Variants in PCDHA6 observed in about 807,000 individuals in gnomAD.
PCDHA6 encodes the protein protocadherin alpha-6.
Under a neutral mutation model 60.3 loss-of-function variants are expected in PCDHA6, and 55 were observed. The observed-to-expected ratio is 0.91, with a 90% CI of 0.73 to 1.14. PCDHA6 has a LOEUF of 1.14. Ranked by LOEUF, PCDHA6 falls within the 50% of genes most tolerant of loss-of-function variation. The pLI is 0.00. For synonymous variants in PCDHA6, 652 were observed against 557.9 expected, an observed-to-expected ratio of 1.17 and a Z score of -2.38; for missense variants, 1,327 against 1,256.5, an observed-to-expected ratio of 1.06 and a Z score of -0.85.
chr5:140,969,403 G>C, intron 1 of PCDHA6: 1 of 1,579,282 alleles, frequency 6.3e-7, no homozygotes, highest in Non-Finnish European at 8.6e-7. Context: ...CCTGTGATTT[G>C]GCTTTATTGA....
intron 1 of PCDHA6, chr5:140,842,631 C>A: frequency 1.9e-6 from 3 of 1,595,224 alleles, no homozygotes; most frequent in Non-Finnish European, 2.6e-6. Context: ...TCGCTGTGGG[C>A]CACCGCCAGC....
intron 3 of PCDHA6, among the ~76,000 whole-genome samples, chr5:141,008,259 T>G (rs986818585): frequency 3.3e-5 from 5 of 152,202 alleles, no homozygotes; most frequent in Non-Finnish European, 7.3e-5. Context: ...TAGAGGAGAC[T>G]GAGAAGTAAT....
chr5:140,954,181 T>C (rs1342526768), intron 1 of PCDHA6, among the ~76,000 whole-genome samples: 1 of 152,234 alleles, frequency 6.6e-6, no homozygotes, highest in Non-Finnish European at 1.5e-5. Flanking sequence ...ATCCAGTCTA[T>C]CATTGATGGG....
intron 1 of PCDHA6, among the ~76,000 whole-genome samples, chr5:140,973,993 G>T (rs1554235720): frequency 6.6e-6 from 1 of 152,122 alleles, no homozygotes. Flanking sequence ...ACTTCACCTG[G>T]ATCAATGTTT....
At chr5:140,974,799 A>G (rs116037205) in intron 1 of PCDHA6, among the ~76,000 whole-genome samples, 2 of 152,294 alleles carry the variant, frequency 1.3e-5, no homozygotes, top group African/African-American at 2.4e-5. Context: ...TCATTTTGAT[A>G]TACTAGAAGA....
intron 1 of PCDHA6, chr5:140,830,909 C>T (rs1213244492): frequency 6.6e-6 from 1 of 152,304 alleles, no homozygotes; most frequent in African/African-American, 2.4e-5. Flanking sequence ...TTTACACTTT[C>T]CATTTCAATG....
chr5:140,947,401 G>A (rs1314695904), intron 1 of PCDHA6, among the ~76,000 whole-genome samples: 1 of 151,652 alleles, frequency 6.6e-6, no homozygotes, highest in Non-Finnish European at 1.5e-5. Flanking sequence ...AAAGTAGACT[G>A]TCTTGATATT....
intron 3 of PCDHA6, among the ~76,000 whole-genome samples, chr5:141,006,649 G>A (rs1377970510): frequency 2.6e-5 from 4 of 152,176 alleles, no homozygotes; most frequent in Admixed American, 2.0e-4. Context: ...AGAGATGATG[G>A]TGTCCTGAAA....
chr5:140,852,107 A>T, intron 1 of PCDHA6: 1 of 907,274 alleles, frequency 1.1e-6, no homozygotes, highest in East Asian at 1.2e-4. Context: ...ATATTTTACA[A>T]GGTATGACCT....
intron 1 of PCDHA6, among the ~76,000 whole-genome samples, chr5:140,838,089 T>G (rs1418087315): frequency 1.6e-5 from 2 of 121,978 alleles, no homozygotes; most frequent in African/African-American, 6.2e-5. Context: ...TGTGTGTGTG[T>G]GTGTGTGTGT....
At chr5:140,912,679 T>C (rs367681467) in intron 1 of PCDHA6, among the ~76,000 whole-genome samples, 6 of 152,216 alleles carry the variant, frequency 3.9e-5, no homozygotes, top group African/African-American at 1.4e-4. Context: ...CCTTGACTTA[T>C]TCCAGGTCTC....
intron 1 of PCDHA6, chr5:140,836,266 C>A: frequency 6.2e-7 from 1 of 1,613,806 alleles, no homozygotes. Context: ...GGGCTGTACA[C>A]TGGTGAGATC....
intron 1 of PCDHA6, among the ~76,000 whole-genome samples, chr5:140,873,668 T>G (rs1315193684): frequency 6.6e-6 from 1 of 152,206 alleles, no homozygotes; most frequent in Non-Finnish European, 1.5e-5. Flanking sequence ...TATTATTATT[T>G]GTTTCTTTTT....
chr5:141,008,941 G>T, intron 3 of PCDHA6, among the ~76,000 whole-genome samples: 1 of 152,140 alleles, frequency 6.6e-6, no homozygotes, highest in East Asian at 1.9e-4. Context: ...TCTTGTTTTG[G>T]ACAAAATAGA....
intron 1 of PCDHA6, among the ~76,000 whole-genome samples, chr5:140,943,997 T>C (rs1387803558): frequency 2.0e-5 from 3 of 152,178 alleles, no homozygotes; most frequent in African/African-American, 7.2e-5. Flanking sequence ...ACAGAACTAC[T>C]GAGTACCCCC....
intron 1 of PCDHA6, among the ~76,000 whole-genome samples, chr5:140,952,848 T>A (rs10476804): frequency 0.013 from 2,044 of 152,238 alleles, 38 homozygotes; most frequent in African/African-American, 0.047. Context: ...CTGCTTGTCT[T>A]CTGGGGAGGC....
At position 141,009,692 on chromosome 5, in the gene PCDHA6, A is replaced by G. The variant is rs2098413739; in HGVS notation, c.2608A>G (p.Lys870Glu). The G allele has an allele frequency of 6.2e-7, 1 of 1,613,856 alleles. No homozygotes were observed. Among genetic ancestry groups the G allele is most frequent in the African/African-American group, 1.3e-5 (1 of 74,858 alleles). The stretch of plus-strand genomic sequence containing the variant: ...TGTCAACAGCAACAGCTGGACCTTT[A>G]AATACGGACCAGGCAACCCCAAACA... The part of the protein sequence containing the change: ...AGVNSNSWTF[K>E]YGPGNPKQSG... Residue 870 changes from lysine to glutamate, a missense_variant, in exon 4 of 4, where the codon AAA (lysine) becomes GAA (glutamate). Physicochemically the swap from Lys to Glu is moderately conservative, Grantham distance 56. Transcript: ENST00000529310.
rs574487083 is a variant in PCDHA6 at position 140,915,476 on chromosome 5, T to C, written c.2395-63473T>C. Among the ~76,000 whole-genome samples the C allele has an allele frequency of 2.0e-5, 3 of 152,296 alleles. No homozygotes were observed. The South Asian group carries it at 6.2e-4, about 32-fold the overall frequency. On this transcript the variant is annotated intron_variant, in intron 1 of 3. Transcript: ENST00000529310. ...CCAGAAGGTTTTTATTTGAAGGAGC[T>C]TGGGCCTCAATCCCAATAATACTGT...
intron 1 of PCDHA6, among the ~76,000 whole-genome samples, chr5:140,922,088 T>C (rs1361534405): frequency 6.6e-6 from 1 of 152,184 alleles, no homozygotes; most frequent in Non-Finnish European, 1.5e-5. Context: ...AAGTGGTATT[T>C]CTACCAACTA....
Sources: allele counts gnomAD v4.1 joint callset (sites outside exome capture counted in the v4.1 genomes callset), GRCh38; gene constraint gnomAD v4.1.1; transcripts MANE v1.5; gene names NCBI Gene and HGNC (gene_info 2026-07-23, HGNC 2026-07-21).